CYP7B1: variants seen among roughly 807,000 people sequenced by gnomAD.
The protein encoded by CYP7B1 is cytochrome P450 7B1.
In CYP7B1, 29 loss-of-function variants were observed where a neutral mutation model predicts 42.7. The ratio of observed to expected loss-of-function variants is 0.68; its 90% CI spans 0.51 to 0.93. The LOEUF (loss-of-function observed/expected upper bound fraction) is 0.93. Among genes scored for constraint, CYP7B1 ranks in the 40% least tolerant of loss-of-function variants. CYP7B1 has a pLI of 0.00. For missense variants in CYP7B1, 655 were observed against 600.5 expected, an observed-to-expected ratio of 1.09 and a Z score of -0.95; for synonymous variants, 235 against 218.2, an observed-to-expected ratio of 1.08 and a Z score of -0.68.
intron 1 of CYP7B1, among the ~76,000 whole-genome samples, chr8:64,785,082 T>C (rs1031746480): frequency 3.3e-5 from 5 of 152,170 alleles, no homozygotes; most frequent in Non-Finnish European, 7.4e-5. Context: ...AGAAGATATA[T>C]AAATGGCAAA....
intron 1 of CYP7B1, among the ~76,000 whole-genome samples, chr8:64,764,440 A>G (rs1585901759): frequency 6.6e-6 from 1 of 152,302 alleles, no homozygotes; most frequent in East Asian, 1.9e-4. Flanking sequence ...AGAAAGGAAG[A>G]GAAAGATAGA....
At chr8:64,602,347 A>C (rs1295379004) in intron 5 of CYP7B1, among the ~76,000 whole-genome samples, 1 of 152,204 alleles carries the variant, frequency 6.6e-6, no homozygotes, top group African/African-American at 2.4e-5. Flanking sequence ...CTGGGTGCAC[A>C]AATAAGGAGG....
intron 1 of CYP7B1, among the ~76,000 whole-genome samples, chr8:64,694,133 A>G (rs1806789127): frequency 6.6e-6 from 1 of 152,198 alleles, no homozygotes; most frequent in Non-Finnish European, 1.5e-5. Context: ...TACCTACTGA[A>G]TATTTCATGA....
intron 1 of CYP7B1, among the ~76,000 whole-genome samples, chr8:64,697,869 A>C (rs1806853497): frequency 6.6e-6 from 1 of 152,176 alleles, no homozygotes; most frequent in African/African-American, 2.4e-5. Flanking sequence ...CAAACCAAAA[A>C]CAAAACCAGT....
At chr8:64,740,216 T>A (rs1408334031) in intron 1 of CYP7B1, among the ~76,000 whole-genome samples, 2 of 152,066 alleles carry the variant, frequency 1.3e-5, no homozygotes. Flanking sequence ...TTATACAAAG[T>A]GTTTTCTCAG....
At chr8:64,682,400 G>T (rs1168623402) in intron 1 of CYP7B1, among the ~76,000 whole-genome samples, 2 of 152,150 alleles carry the variant, frequency 1.3e-5, no homozygotes, top group Non-Finnish European at 2.9e-5. Context: ...ACCAAAAGGC[G>T]CTAACCTTTT....
At chr8:64,765,302 C>T (rs181724167) in intron 1 of CYP7B1, among the ~76,000 whole-genome samples, 1 of 152,324 alleles carries the variant, frequency 6.6e-6, no homozygotes, top group African/African-American at 2.4e-5. Context: ...AGTCCACAGA[C>T]ATAAAGGAAG....
At chr8:64,647,330 T>G (rs1323598462) in intron 1 of CYP7B1, among the ~76,000 whole-genome samples, 1 of 152,150 alleles carries the variant, frequency 6.6e-6, no homozygotes, top group Non-Finnish European at 1.5e-5. Flanking sequence ...GTTTGAAATA[T>G]TGTGAGAATT....
chr8:64,791,157 G>A (rs1381649785), intron 1 of CYP7B1, among the ~76,000 whole-genome samples: 1 of 152,180 alleles, frequency 6.6e-6, no homozygotes, highest in Non-Finnish European at 1.5e-5. Flanking sequence ...TCTAGGATAT[G>A]AGACAATAAA....
chr8:64,773,288 T>A (rs1804264874), intron 1 of CYP7B1, among the ~76,000 whole-genome samples: 1 of 152,240 alleles, frequency 6.6e-6, no homozygotes, highest in South Asian at 2.1e-4. Context: ...TTTCTGCTCA[T>A]CAGCTTTAAT....
At chr8:64,653,232 A>G (rs1313193890) in intron 1 of CYP7B1, among the ~76,000 whole-genome samples, 5 of 152,216 alleles carry the variant, frequency 3.3e-5, no homozygotes, top group Non-Finnish European at 7.3e-5. Context: ...GAAAAAATTA[A>G]TAAGATAGAT....
chr8:64,658,113 A>C (rs1004098053), intron 1 of CYP7B1, among the ~76,000 whole-genome samples: 7 of 152,140 alleles, frequency 4.6e-5, no homozygotes, highest in Non-Finnish European at 1.5e-5. Context: ...TGCCTTCATG[A>C]CCTAGTCACC....
intron 1 of CYP7B1, among the ~76,000 whole-genome samples, chr8:64,794,333 G>A (rs2129732163): frequency 6.6e-6 from 1 of 152,356 alleles, no homozygotes; most frequent in East Asian, 1.9e-4. Flanking sequence ...AGAGGCTTCA[G>A]CCACTGCCCA....
chr8:64,712,233 A>G (rs1315956367), intron 1 of CYP7B1, among the ~76,000 whole-genome samples: 2 of 152,180 alleles, frequency 1.3e-5, no homozygotes, highest in Non-Finnish European at 2.9e-5. Context: ...AGCTACAAAA[A>G]TAGCACCTTC....
At chr8:64,605,379 T>C (rs1195827757) in intron 4 of CYP7B1, among the ~76,000 whole-genome samples, 1 of 152,140 alleles carries the variant, frequency 6.6e-6, no homozygotes, top group Non-Finnish European at 1.5e-5. Context: ...TGAGTCAACA[T>C]TTGCTGGAAA....
At chr8:64,792,757 T>C (rs778508535) in intron 1 of CYP7B1, among the ~76,000 whole-genome samples, 4 of 152,184 alleles carry the variant, frequency 2.6e-5, no homozygotes, top group Admixed American at 1.3e-4. Context: ...ATTGTGATGA[T>C]TTAGATGATG....
intron 1 of CYP7B1, among the ~76,000 whole-genome samples, chr8:64,694,589 T>C (rs58284770): frequency 0.083 from 12,619 of 152,232 alleles, 795 homozygotes; most frequent in African/African-American, 0.16. Context: ...AGGAAGAGCA[T>C]AGAAACTCTT....
At chr8:64,797,746 C>T (rs1489223977) in intron 1 of CYP7B1, among the ~76,000 whole-genome samples, 1 of 152,082 alleles carries the variant, frequency 6.6e-6, no homozygotes, top group Admixed American at 6.5e-5. Flanking sequence ...CGATGAACAC[C>T]AGAGCAGTAT....
chr8:64,790,990 A>G (rs1386919617), intron 1 of CYP7B1, among the ~76,000 whole-genome samples: 1 of 152,192 alleles, frequency 6.6e-6, no homozygotes, highest in East Asian at 1.9e-4. Flanking sequence ...CTGTGTGAAG[A>G]TAAAAGCAGA....
Sources: allele counts gnomAD v4.1 joint callset (sites outside exome capture counted in the v4.1 genomes callset), GRCh38; gene constraint gnomAD v4.1.1; transcripts MANE v1.5; gene names NCBI Gene and HGNC (gene_info 2026-07-23, HGNC 2026-07-21).